CEP63: variants seen among roughly 807,000 people sequenced by gnomAD.
The protein encoded by CEP63 is centrosomal protein 63.
Under a neutral mutation model 89.1 loss-of-function variants are expected in CEP63, and 84 were observed. The ratio of observed to expected loss-of-function variants is 0.94; its 90% CI spans 0.79 to 1.13. The LOEUF is 1.13. Ranked by LOEUF, CEP63 falls within the 50% of genes most tolerant of loss-of-function variation. The probability of loss-of-function intolerance (pLI) is 0.00; values close to 1 mark genes in which losing one functional copy is unlikely to be tolerated. For missense variants in CEP63, 838 were observed against 813.3 expected (o/e 1.03, Z -0.37); for synonymous variants, 267 against 272.5 (o/e 0.98, Z 0.20).
the CEP63 span, among the ~76,000 whole-genome samples, chr3:134,718,212 C>T: frequency 2.0e-5 from 3 of 152,142 alleles, no homozygotes; most frequent in Non-Finnish European, 4.4e-5. Context: ...TGATGGCACC[C>T]TTGGGAAGGA....
At chr3:134,728,412 G>A in the CEP63 span, among the ~76,000 whole-genome samples, 11 of 152,154 alleles carry the variant, frequency 7.2e-5, no homozygotes, top group Admixed American at 4.6e-4. Context: ...TTTACGTATA[G>A]GAATGACTGT....
chr3:134,615,876 C>G, the CEP63 span, among the ~76,000 whole-genome samples: 1 of 152,202 alleles, frequency 6.6e-6, no homozygotes, highest in Admixed American at 6.5e-5. Context: ...ACACTCCTGC[C>G]CCTGCTCTCA....
At chr3:134,489,843 T>C (rs1411301592) in intron 1 of CEP63, among the ~76,000 whole-genome samples, 1 of 152,224 alleles carries the variant, frequency 6.6e-6, no homozygotes, top group Non-Finnish European at 1.5e-5. Flanking sequence ...TGTAAACCTA[T>C]AATCATGAAC....
the CEP63 span, chr3:134,604,517 G>C: frequency 6.8e-7 from 1 of 1,476,140 alleles, no homozygotes; most frequent in Non-Finnish European, 9.2e-7. Context: ...GGTCCAGCAC[G>C]TGCTGATGTG....
At chr3:134,647,032 T>C in the CEP63 span, among the ~76,000 whole-genome samples, 47 of 152,302 alleles carry the variant, frequency 3.1e-4, 1 homozygote, top group East Asian at 8.5e-3. Context: ...TTGAGTGGCA[T>C]CTTCTCAGGC....
intron 3 of CEP63, among the ~76,000 whole-genome samples, chr3:134,529,476 G>C (rs1167302668): frequency 1.3e-5 from 2 of 151,556 alleles, no homozygotes; most frequent in African/African-American, 4.8e-5. Context: ...GAGTGGCTGG[G>C]ATTACAGGCA....
At chr3:134,571,307 T>C (rs1450564962) in intron 11 of CEP63, among the ~76,000 whole-genome samples, 1 of 152,194 alleles carries the variant, frequency 6.6e-6, no homozygotes, top group African/African-American at 2.4e-5. Context: ...TTAGAGGTTC[T>C]TTACCTTCTG....
At chr3:134,485,998 CCCCCT>C, upstream of CEP63, 1 of 981,726 alleles carries the variant, frequency 1.0e-6, no homozygotes, top group Non-Finnish European at 1.2e-6. Context: ...CACGCCCCCC[CCCCCT>C]CCCCCGCATC....
chr3:134,494,587 C>T (rs939850033), intron 1 of CEP63, among the ~76,000 whole-genome samples: 8 of 152,124 alleles, frequency 5.3e-5, no homozygotes, highest in Admixed American at 3.9e-4. Context: ...TGAAATGCTG[C>T]GTTGAGCTCT....
At chr3:134,545,855 G>A (rs753723235) in intron 7 of CEP63, 36 bp downstream of exon 7, 9 of 1,441,980 alleles carry the variant, frequency 6.2e-6, no homozygotes, top group Non-Finnish European at 8.7e-6. Flanking sequence ...GGGGAAGTGT[G>A]TGTATGAGTA....
At chr3:134,503,805 T>C (rs908112497) in intron 2 of CEP63, among the ~76,000 whole-genome samples, 1 of 119,694 alleles carries the variant, frequency 8.4e-6, no homozygotes, top group African/African-American at 3.0e-5. Flanking sequence ...GTCTATTTTG[T>C]GTGATATAGG....
chr3:134,538,557 A>G (rs1334159290), intron 6 of CEP63, among the ~76,000 whole-genome samples: 4 of 126,090 alleles, frequency 3.2e-5, no homozygotes, highest in South Asian at 2.6e-4. Flanking sequence ...ATATATATGT[A>G]TATATATATT....
chr3:134,591,797 C>G (rs1260976868), downstream of CEP63, among the ~76,000 whole-genome samples: 1 of 152,070 alleles, frequency 6.6e-6, no homozygotes, highest in East Asian at 1.9e-4. Context: ...GGGAAGGTGG[C>G]TTAAGCCTGG....
At chr3:134,618,009 G>C in the CEP63 span, among the ~76,000 whole-genome samples, 8 of 152,278 alleles carry the variant, frequency 5.3e-5, no homozygotes, top group South Asian at 1.7e-3. Context: ...GTCTGGGGTA[G>C]GGGGTGGGAA....
At chr3:134,689,937 C>G in the CEP63 span, among the ~76,000 whole-genome samples, 1 of 152,110 alleles carries the variant, frequency 6.6e-6, no homozygotes, top group Non-Finnish European at 1.5e-5. Flanking sequence ...GAAGGGAAGT[C>G]AATTGCCTGA....
Position 134,546,644 on chromosome 3 carries a change from G to A in CEP63, c.929+356G>A, listed in dbSNP as rs374330136. On this transcript the variant is annotated intron_variant, in intron 8 of 14. Coordinates refer to ENST00000675561, the MANE Select transcript of CEP63 (RefSeq NM_001353108.3). ...AGTGCTGGGATTACAGGTGTGAGCT[G>A]CCACGCCCATCCAAGCACTAGTTTT... is the stretch of plus-strand genomic sequence containing the variant. 6.6e-5 allele frequency among the ~76,000 whole-genome samples: 10 copies of A among 152,230 alleles called. 1 individual carries two copies. Among genetic ancestry groups the A allele is most frequent in the African/African-American group, 2.4e-4 (10 of 41,550 alleles).
At chr3:134,718,179 A>T in the CEP63 span, among the ~76,000 whole-genome samples, 5 of 152,178 alleles carry the variant, frequency 3.3e-5, no homozygotes, top group South Asian at 1.0e-3. Flanking sequence ...AAGCTGTCCA[A>T]TGAAAATCAG....
At chr3:134,776,771 G>A in the CEP63 span, among the ~76,000 whole-genome samples, 1 of 152,202 alleles carries the variant, frequency 6.6e-6, no homozygotes, top group African/African-American at 2.4e-5. Flanking sequence ...TGGGAGCCAG[G>A]CAGTTTCTGA....
chr3:134,762,446 T>C, the CEP63 span, among the ~76,000 whole-genome samples: 1 of 152,192 alleles, frequency 6.6e-6, no homozygotes, highest in Non-Finnish European at 1.5e-5. Context: ...AATTCGTATG[T>C]TGAAGTCCTA....
Sources: allele counts gnomAD v4.1 joint callset (sites outside exome capture counted in the v4.1 genomes callset), GRCh38; gene constraint gnomAD v4.1.1; transcripts MANE v1.5; gene names NCBI Gene and HGNC (gene_info 2026-07-23, HGNC 2026-07-21).